PCSK2: variants seen among roughly 807,000 people sequenced by gnomAD.
PCSK2 encodes the protein proprotein convertase subtilisin/kexin type 2, also known as neuroendocrine convertase 2.
PCSK2 carries 14 observed loss-of-function variants against 69.7 expected under a neutral mutation model. The ratio of observed to expected loss-of-function variants is 0.20; its 90% CI spans 0.13 to 0.31. PCSK2 has a LOEUF of 0.31. Ranked by LOEUF, PCSK2 falls within the 10% of genes least tolerant of loss-of-function variation. PCSK2 has a pLI of 1.00. For synonymous variants in PCSK2, 307 were observed against 320.7 expected (o/e 0.96, Z 0.46); for missense variants, 544 against 842.5 (o/e 0.65, Z 4.39).
intron 2 of PCSK2, among the ~76,000 whole-genome samples, chr20:17,344,775 G>A (rs971869996): frequency 1.3e-5 from 2 of 151,972 alleles, no homozygotes; most frequent in African/African-American, 2.4e-5. Flanking sequence ...AAATAACTTT[G>A]GAAGGCTCTT....
rs1342864159 is a variant in PCSK2, at chr20:17,227,386, A to G, written c.81A>G (p.Arg27=). Residue 27 remains arginine (R), a synonymous_variant, in exon 1 of 12, where the codon CGA becomes CGG. Coordinates refer to ENST00000262545, the MANE Select transcript of PCSK2 (RefSeq NM_002594.5). ...TCATGGTTTTTGCATCTGCTGAGCG[A>G]CCGGTCTTCACGAATCATTTTCTTG... The part of the protein sequence containing the change: ...FCVMVFASAE[R]PVFTNHFLVE... 1.2e-6 allele frequency: 2 copies of G among 1,613,772 alleles called. No individual in the cohort carries two copies. The highest frequency in any genetic ancestry group is 1.7e-6 in the Non-Finnish European group (2 of 1,179,936).
chr20:17,365,460 G>T (rs1030265072), intron 4 of PCSK2, among the ~76,000 whole-genome samples: 4 of 151,968 alleles, frequency 2.6e-5, no homozygotes, highest in Non-Finnish European at 4.4e-5. Flanking sequence ...CCACCCCCCC[G>T]AAAATTTGTG....
At chr20:17,294,255 C>A (rs1340428144) in intron 2 of PCSK2, among the ~76,000 whole-genome samples, 1 of 150,008 alleles carries the variant, frequency 6.7e-6, no homozygotes, top group Non-Finnish European at 1.5e-5. Context: ...CAGGCGCCCG[C>A]CACCGCGCCC....
intron 2 of PCSK2, among the ~76,000 whole-genome samples, chr20:17,335,583 G>A (rs1241055446): frequency 6.6e-6 from 1 of 151,882 alleles, no homozygotes; most frequent in Non-Finnish European, 1.5e-5. Context: ...CTGAGATTTG[G>A]CACACCCATC....
At chr20:17,252,929 T>C (rs1464590673) in intron 1 of PCSK2, among the ~76,000 whole-genome samples, 1 of 152,208 alleles carries the variant, frequency 6.6e-6, no homozygotes, top group Non-Finnish European at 1.5e-5. Flanking sequence ...TGCCTATAAA[T>C]TGGCTGCAGT....
At chr20:17,241,161 C>A (rs1986556151) in intron 1 of PCSK2, among the ~76,000 whole-genome samples, 1 of 152,112 alleles carries the variant, frequency 6.6e-6, no homozygotes, top group African/African-American at 2.4e-5. Context: ...CTTCACAAAG[C>A]AGGCAATAAT....
At chr20:17,410,917 C>A (rs915064082) in intron 6 of PCSK2, among the ~76,000 whole-genome samples, 2 of 152,148 alleles carry the variant, frequency 1.3e-5, no homozygotes, top group Admixed American at 6.5e-5. Flanking sequence ...GGCAACATAT[C>A]CACTGGCTAC....
intron 2 of PCSK2, among the ~76,000 whole-genome samples, chr20:17,300,528 A>C (rs8125363): frequency 0.01 from 1,566 of 152,304 alleles, 27 homozygotes; most frequent in African/African-American, 0.034. Context: ...CAGTTTTTGC[A>C]TCCCTTTTAG....
At chr20:17,389,424 A>G (rs1399618519) in intron 5 of PCSK2, among the ~76,000 whole-genome samples, 3 of 152,214 alleles carry the variant, frequency 2.0e-5, no homozygotes, top group African/African-American at 7.2e-5. Context: ...CAATATCAAT[A>G]TAGGGAGAGA....
chr20:17,324,277 C>T (rs975091680), intron 2 of PCSK2, among the ~76,000 whole-genome samples: 2 of 152,148 alleles, frequency 1.3e-5, no homozygotes, highest in Non-Finnish European at 2.9e-5. Flanking sequence ...TGGCTCCAAT[C>T]TGACAGTCAC....
rs368138675 is a variant in PCSK2, at chr20:17,233,340, A to C, written c.177+5858A>C. Among the ~76,000 whole-genome samples the C allele has an allele frequency of 5.3e-5, 8 of 152,298 alleles. No individual in the cohort carries two copies. In the East Asian group the frequency reaches 1.5e-3, roughly 29 times the overall value. Reference sequence around the variant, plus strand: ...GAGTGCATAGGATAAAATAGCTATTACTGCAGTAGTAACAATAAGCTGGTT... The same window carrying C: ...GAGTGCATAGGATAAAATAGCTATTCCTGCAGTAGTAACAATAAGCTGGTT... On this transcript the variant is annotated intron_variant, in intron 1 of 11. Transcript: ENST00000262545.
intron 2 of PCSK2, among the ~76,000 whole-genome samples, chr20:17,316,952 A>G (rs1334053693): frequency 6.6e-6 from 1 of 152,192 alleles, no homozygotes; most frequent in Non-Finnish European, 1.5e-5. Flanking sequence ...AATTAATGCT[A>G]GTATTTTCTC....
intron 8 of PCSK2, among the ~76,000 whole-genome samples, chr20:17,437,659 G>T (rs1454781759): frequency 6.6e-6 from 1 of 152,208 alleles, no homozygotes; most frequent in African/African-American, 2.4e-5. Flanking sequence ...ACTGAGAAGT[G>T]CCTGCAAAGA....
chr20:17,314,264 G>C (rs1180445070), intron 2 of PCSK2, among the ~76,000 whole-genome samples: 1 of 151,948 alleles, frequency 6.6e-6, no homozygotes, highest in Non-Finnish European at 1.5e-5. Context: ...TTTTTATTTT[G>C]TGTTTCAGCG....
At chr20:17,344,151 C>T (rs1381697436) in intron 2 of PCSK2, among the ~76,000 whole-genome samples, 2 of 152,220 alleles carry the variant, frequency 1.3e-5, no homozygotes, top group East Asian at 3.8e-4. Flanking sequence ...TGCTGGGGCT[C>T]ATTAACGCCC....
intron 1 of PCSK2, among the ~76,000 whole-genome samples, chr20:17,252,517 C>T (rs906833882): frequency 1.3e-5 from 2 of 152,182 alleles, no homozygotes; most frequent in African/African-American, 4.8e-5. Flanking sequence ...ACTTAATTCC[C>T]ATAACAAAAA....
At chr20:17,320,901 G>A (rs1352117629) in intron 2 of PCSK2, among the ~76,000 whole-genome samples, 1 of 152,144 alleles carries the variant, frequency 6.6e-6, no homozygotes, top group African/African-American at 2.4e-5. Flanking sequence ...TAGAAAGTCA[G>A]GACTAGCTTA....
At chr20:17,421,567 G>A (rs183110005) in intron 6 of PCSK2, among the ~76,000 whole-genome samples, 15 of 152,122 alleles carry the variant, frequency 9.9e-5, no homozygotes, top group Admixed American at 3.3e-4. Context: ...TGGCCACCAT[G>A]GGTCTTCTGT....
chr20:17,312,459 A>T (rs1402218928), intron 2 of PCSK2, among the ~76,000 whole-genome samples: 1 of 152,154 alleles, frequency 6.6e-6, no homozygotes, highest in Non-Finnish European at 1.5e-5. Flanking sequence ...CTATGAAGTC[A>T]GTAGGCCAAA....
Sources: allele counts gnomAD v4.1 joint callset (sites outside exome capture counted in the v4.1 genomes callset), GRCh38; gene constraint gnomAD v4.1.1; transcripts MANE v1.5; gene names NCBI Gene and HGNC (gene_info 2026-07-23, HGNC 2026-07-21).